MPPE1: variants seen among roughly 807,000 people sequenced by gnomAD.
MPPE1 encodes metallo phosphoesterase.
Under a neutral mutation model 43.8 loss-of-function variants are expected in MPPE1, and 28 were observed. The ratio of observed to expected loss-of-function variants is 0.64; its 90% confidence interval spans 0.47 to 0.88. MPPE1 has a LOEUF of 0.88. Among genes scored for constraint, MPPE1 ranks in the 40% least tolerant of loss-of-function variants. The pLI, the probability that MPPE1 is intolerant of heterozygous loss-of-function variation, is 0.00. For missense variants in MPPE1, 428 were observed against 492.2 expected (o/e 0.87, Z 1.23); for synonymous variants, 159 against 188.5 (o/e 0.84, Z 1.28).
chr18:11,897,373 A>G lies in MPPE1; in HGVS notation c.-92-17T>C. Reference sequence around the variant, plus strand: ...GCTGGGCACCTACGGGAAAAGGAAAAGAATTCAGTTATGTTCCCTAATAAT... The same window carrying G: ...GCTGGGCACCTACGGGAAAAGGAAAGGAATTCAGTTATGTTCCCTAATAAT... On this transcript the variant is annotated splice_polypyrimidine_tract_variant and intron_variant, in intron 2 of 10. Transcript: ENST00000588072. 1 of 1,057,164 alleles carries G rather than the reference A, an allele frequency of 9.5e-7. No homozygotes were observed. The highest frequency in any genetic ancestry group is 1.5e-5 in the South Asian group (1 of 65,122). 65.5% of individuals were successfully genotyped at this position (1,057,164 alleles called of 1,614,324 possible).
rs570678161 is a variant in MPPE1, at chr18:11,897,385, T to C, written c.-92-29A>G. On this transcript the variant is annotated intron_variant, in intron 2 of 10. Coordinates refer to ENST00000588072, the MANE Select transcript of MPPE1 (RefSeq NM_023075.6). ...CGGGAAAAGGAAAAGAATTCAGTTATGTTCCCTAATAATACAGGTATCACG... is the reference window on the plus strand; with the variant it reads ...CGGGAAAAGGAAAAGAATTCAGTTACGTTCCCTAATAATACAGGTATCACG... 136 of 918,142 alleles carry C rather than the reference T, an allele frequency of 1.5e-4. 1 individual carries two copies. The African/African-American group carries it at 2.1e-3, about 14-fold the overall frequency. The allele number at this position is 918,142 out of a possible 1,614,324, so 56.9% of individuals were successfully genotyped here.
Position 11,886,658 on chromosome 18 carries a change from G to C in MPPE1, c.745-37C>G. ...GGAGAGAGGAGTTCAGGCGGCTATCGTGAAACCACAGGCTGCCTGCTGTCT... is the reference window on the plus strand; with the variant it reads ...GGAGAGAGGAGTTCAGGCGGCTATCCTGAAACCACAGGCTGCCTGCTGTCT... On this transcript the variant is annotated intron_variant, in intron 8 of 10. Transcript: ENST00000588072. This position sits in a 1 kb window ranked among gnomAD's most constrained non-coding sequence, Gnocchi z 4.1. The C allele has an allele frequency of 1.2e-6, 2 of 1,614,018 alleles. No homozygotes were observed. Among genetic ancestry groups the C allele is most frequent in the South Asian group, 1.1e-5 (1 of 91,084 alleles).
chr18:11,884,644 A>G lies in MPPE1; in HGVS notation c.1009-17T>C, dbSNP rs746771754. ...GATGCTACCCTGGAAAGGAGAAGGG[A>G]AAGTTATGCTGAGAGCACCAGGCAC... On this transcript the variant is annotated splice_polypyrimidine_tract_variant and intron_variant, in intron 10 of 10. Coordinates refer to ENST00000588072, the MANE Select transcript of MPPE1 (RefSeq NM_023075.6). 6.2e-7 allele frequency: 1 copy of G among 1,611,380 alleles called. No homozygotes were observed. The highest frequency in any genetic ancestry group is 8.5e-7 in the Non-Finnish European group (1 of 1,178,304).
Position 11,889,432 on chromosome 18 carries a change from T to C in MPPE1, c.449A>G (p.Gln150Arg). The C allele has an allele frequency of 1.2e-6, 2 of 1,613,582 alleles. No individual in the cohort carries two copies. Among genetic ancestry groups the C allele is most frequent in the African/African-American group, 1.3e-5 (1 of 75,030 alleles). Residue 150 changes from glutamine (Q) to arginine (R), a missense_variant, in exon 5 of 11, where the codon CAG becomes CGG. By Grantham distance (43) the Gln-to-Arg change is conservative (BLOSUM62 1). Transcript: ENST00000588072. ...ATGGTTTCCAGCAACTACCTTCAGC[T>C]GTACATGACTTGGGTGTCTGAACAT... ...QKMFRHPSHV[Q>R]LKVVAGNHDI...
rs561837373 is a variant in MPPE1, at chr18:11,891,972, T to C, written c.390+1496A>G. Among the ~76,000 whole-genome samples the C allele has an allele frequency of 4.5e-5, 6 of 134,552 alleles. No homozygotes were observed. In the East Asian group the frequency reaches 1.1e-3, roughly 26 times the overall value. The allele number at this position is 134,552 out of a possible 152,430, so 88.3% of individuals were successfully genotyped here. On this transcript the variant is annotated intron_variant, in intron 4 of 10. Coordinates refer to ENST00000588072, the MANE Select transcript of MPPE1 (RefSeq NM_023075.6). The stretch of plus-strand genomic sequence containing the variant: ...GGCGTGCACCATCACGCCTGGCTGA[T>C]TTTTGTATTTTTTGTAGAAACAGCA...
In MPPE1 at chr18:11,884,435, C is replaced by G. The variant is rs373020731; in HGVS notation, c.*10G>C. The G allele has an allele frequency of 2.8e-5, 45 of 1,611,652 alleles. No homozygotes were observed. The African/African-American group carries it at 5.9e-4, about 21-fold the overall frequency. On this transcript the variant is annotated 3_prime_UTR_variant, in exon 11 of 11. Coordinates refer to ENST00000588072, the MANE Select transcript of MPPE1 (RefSeq NM_023075.6). ...TCTTGGGCTTTGATATTTATAATGGCGCCTGCTCTTCATCTTGTCTTACGC... is the reference window on the plus strand; with the variant it reads ...TCTTGGGCTTTGATATTTATAATGGGGCCTGCTCTTCATCTTGTCTTACGC...
intron 6 of MPPE1, among the ~76,000 whole-genome samples, chr18:11,887,779 A>C (rs755021074): frequency 1.3e-3 from 202 of 152,366 alleles, no homozygotes; most frequent in Non-Finnish European, 1.4e-3. Flanking sequence ...GCAGTATGAT[A>C]AGCTGTTTGA....
intron 2 of MPPE1, among the ~76,000 whole-genome samples, chr18:11,904,163 T>C (rs535516588): frequency 0.015 from 2,051 of 134,058 alleles, 48 homozygotes; most frequent in African/African-American, 0.05. Flanking sequence ...AGGAGGACAG[T>C]AGAAAAGGAG....
intron 1 of MPPE1, among the ~76,000 whole-genome samples, chr18:11,907,277 A>G (rs948365840): frequency 6.6e-6 from 1 of 152,194 alleles, no homozygotes; most frequent in Admixed American, 6.6e-5. Context: ...AAAATTTTCA[A>G]TCTACCTATA....
In MPPE1 at chr18:11,884,480, C is replaced by G. The variant is rs866006322; in HGVS notation, c.1156G>C (p.Gly386Arg). ...TTACGCTTTCCGAGCAAGTTCAAAC[C>G]AGAAAGAAAAGGTGAGGCTAGAAGC... is the stretch of plus-strand genomic sequence containing the variant. Reference protein sequence around the residue: ...FGLLASPFLSGLNLLGKRKTR With the variant: ...FGLLASPFLSRLNLLGKRKTR The change falls in exon 11 of 11, where the codon GGT becomes CGT. Residue 386 changes from glycine to arginine, a missense_variant. By Grantham distance (125) the Gly-to-Arg change is moderately radical (BLOSUM62 -2). Around this residue, in one of 3 missense-constraint regions of MPPE1, gnomAD observed 379 missense variants for 402.5 expected, o/e 0.94. Transcript: ENST00000588072. 6.2e-7 allele frequency: 1 copy of G among 1,614,064 alleles called. No individual in the cohort carries two copies. The highest frequency in any genetic ancestry group is 1.1e-5 in the South Asian group (1 of 91,088).
At chr18:11,906,410 T>A (rs747770157) in intron 1 of MPPE1, 101 bp from the exon 2 acceptor site, 2 of 152,130 alleles carry the variant, frequency 1.3e-5, no homozygotes, top group African/African-American at 2.4e-5. Context: ...AAAAAGAAGC[T>A]GAGAAGCTAA....
intron 2 of MPPE1, among the ~76,000 whole-genome samples, chr18:11,898,512 T>C (rs2038824896): frequency 6.6e-6 from 1 of 152,248 alleles, no homozygotes; most frequent in African/African-American, 2.4e-5. Flanking sequence ...ATGTAGTTTC[T>C]ATAATCCCTA....
chr18:11,896,910 G>T, intron 3 of MPPE1, 74 bp downstream of exon 3: 1 of 1,335,052 alleles, frequency 7.5e-7, no homozygotes, highest in Non-Finnish European at 1.0e-6. Flanking sequence ...AAAGCCATAA[G>T]CCTTGCCTAT....
intron 4 of MPPE1, chr18:11,891,336 G>T (rs2037973217): frequency 6.6e-6 from 1 of 152,074 alleles, no homozygotes; most frequent in Non-Finnish European, 1.5e-5. Flanking sequence ...AGCTGGGTGT[G>T]GTGGCGGGTG....
At chr18:11,891,174 T>C (rs1036149597) in intron 4 of MPPE1, 2 of 152,218 alleles carry the variant, frequency 1.3e-5, no homozygotes, top group Non-Finnish European at 2.9e-5. Context: ...CTTTAACAAA[T>C]AACATTTAAA....
chr18:11,887,405 A>T (rs1304965852), intron 6 of MPPE1, among the ~76,000 whole-genome samples: 1 of 152,190 alleles, frequency 6.6e-6, no homozygotes, highest in Non-Finnish European at 1.5e-5. Flanking sequence ...GGATTCAATG[A>T]AATGACATGG....
At position 11,886,875 on chromosome 18, in the gene MPPE1, C is replaced by G. The variant is rs1226581403; in HGVS notation, c.678+42G>C. 6.3e-7 allele frequency: 1 copy of G among 1,598,714 alleles called. No individual in the cohort carries two copies. The highest frequency in any genetic ancestry group is 2.2e-5 in the East Asian group (1 of 44,530). ...TGAGTGAGCAACCGAAGCGGAGCAA[C>G]ACGGGACAGAAGGCACCTGTGGCAT... On this transcript the variant is annotated intron_variant, in intron 7 of 10. Transcript: ENST00000588072. This position sits in a 1 kb window ranked among gnomAD's most constrained non-coding sequence, Gnocchi z 4.1.
At chr18:11,900,017 G>C (rs954489106) in intron 2 of MPPE1, among the ~76,000 whole-genome samples, 3 of 152,124 alleles carry the variant, frequency 2.0e-5, no homozygotes, top group African/African-American at 4.8e-5. Flanking sequence ...TTCGAGACCA[G>C]CCTGGCCCAC....
intron 4 of MPPE1, among the ~76,000 whole-genome samples, chr18:11,890,185 G>GC: frequency 6.6e-6 from 1 of 152,066 alleles, no homozygotes; most frequent in Non-Finnish European, 1.5e-5. Flanking sequence ...CTCATGATCC[G>GC]CCCGCCTCGG....
Sources: gnomAD v4.1 joint callset for allele counts (sites outside exome capture counted in the v4.1 genomes callset) on GRCh38, gnomAD v4.1.1 for gene constraint, gnomAD v4.1.1 regional missense constraint, Gnocchi (gnomAD v3.1) non-coding constraint, MANE v1.5 for transcripts, NCBI Gene and HGNC (gene_info 2026-07-23, HGNC 2026-07-21) for gene names.